The following ESRRB variants were observed in gnomAD, a reference collection of about 807,000 sequenced individuals.
The protein encoded by ESRRB is steroid hormone receptor ERR2.
ESRRB carries 16 observed loss-of-function variants against 46.0 expected under a neutral mutation model. That is an observed-to-expected ratio of 0.35 (90% CI 0.24 to 0.53). The LOEUF is 0.53. ESRRB is among the 20% of genes least tolerant of loss of function. The pLI, the probability that ESRRB is intolerant of heterozygous loss-of-function variation, is 0.93. For missense variants in ESRRB, 488 were observed against 607.4 expected, an observed-to-expected ratio of 0.80 and a Z score of 2.07; for synonymous variants, 246 against 259.6, an observed-to-expected ratio of 0.95 and a Z score of 0.50.
At chr14:76,447,521 C>T (rs1231522870) in intron 2 of ESRRB, among the ~76,000 whole-genome samples, 1 of 152,066 alleles carries the variant, frequency 6.6e-6, no homozygotes, top group Admixed American at 6.6e-5. Context: ...CCCCAAGCTC[C>T]ATTCCTTTCA....
At chr14:76,390,254 T>G (rs1346942977) in intron 1 of ESRRB, among the ~76,000 whole-genome samples, 1 of 152,180 alleles carries the variant, frequency 6.6e-6, no homozygotes, top group African/African-American at 2.4e-5. Flanking sequence ...TTTGGGAGGC[T>G]GAGGTGGGCA....
chr14:76,374,147 A>T (rs925125433), upstream of ESRRB, among the ~76,000 whole-genome samples: 6 of 152,210 alleles, frequency 3.9e-5, no homozygotes, highest in Non-Finnish European at 1.5e-5. Context: ...CCATTCATTC[A>T]GCAAAATCTT....
chr14:76,384,822 T>C (rs1885154507), intron 1 of ESRRB, among the ~76,000 whole-genome samples: 1 of 152,140 alleles, frequency 6.6e-6, no homozygotes, highest in Non-Finnish European at 1.5e-5. Flanking sequence ...GGCAAAGTCA[T>C]CTCTCCACCC....
chr14:76,468,847 T>G (rs1250480305), intron 3 of ESRRB, among the ~76,000 whole-genome samples: 1 of 152,180 alleles, frequency 6.6e-6, no homozygotes, highest in Admixed American at 6.5e-5. Context: ...AGAGGCAATT[T>G]TGAATCTCCT....
intron 2 of ESRRB, among the ~76,000 whole-genome samples, chr14:76,449,072 C>T (rs563738283): frequency 1.6e-4 from 25 of 152,044 alleles, no homozygotes; most frequent in Non-Finnish European, 3.7e-4. Flanking sequence ...AGAATGTATG[C>T]GCTGCTATCC....
intron 1 of ESRRB, among the ~76,000 whole-genome samples, chr14:76,332,774 A>ATTATATAT (rs1375625340): frequency 1.5e-4 from 2 of 13,790 alleles, no homozygotes; most frequent in Non-Finnish European, 2.3e-4. Flanking sequence ...TATAATATAT[A>ATTATATAT]TTATATATTA....
chr14:76,450,042 A>G (rs1888322205), intron 2 of ESRRB, among the ~76,000 whole-genome samples: 1 of 152,242 alleles, frequency 6.6e-6, no homozygotes, highest in East Asian at 1.9e-4. Flanking sequence ...GTAGGGGGAA[A>G]GCTGACAATA....
In ESRRB at chr14:76,491,440, C is replaced by T; in HGVS notation, c.851-7C>T. On this transcript the variant is annotated splice_polypyrimidine_tract_variant and splice_region_variant and intron_variant, in intron 5 of 6. Transcript: ENST00000644823. ...GCTGCTGCCCTCTGTGCCCCCTCTT[C>T]CTGCAGGCTTCTCAAGCCTCTCCCT... The T allele has an allele frequency of 6.2e-7, 1 of 1,607,970 alleles. No homozygotes were observed. The highest frequency in any genetic ancestry group is 8.5e-7 in the Non-Finnish European group (1 of 1,178,130).
Position 76,498,944 on chromosome 14 carries a change from G to A in ESRRB, c.*486G>A. On this transcript the variant is annotated 3_prime_UTR_variant, in exon 7 of 7. Coordinates refer to ENST00000644823, the MANE Select transcript of ESRRB (RefSeq NM_001379180.1). ...AAGGGACAACAGTATCTTTCTTCCA[G>A]AGGTCCTACCTGCTCTGAGATCCTC... The A allele has an allele frequency of 2.1e-6, 1 of 482,742 alleles. No homozygotes were observed. Among genetic ancestry groups the A allele is most frequent in the South Asian group, 1.6e-5 (1 of 62,846 alleles). 29.9% of individuals were successfully genotyped at this position (482,742 alleles called of 1,614,324 possible). A position where few individuals can be genotyped will look rare whatever the true frequency, so the allele number is the denominator to read the frequency against.
chr14:76,315,428 G>A (rs1198288025), intron 1 of ESRRB, among the ~76,000 whole-genome samples: 3 of 152,234 alleles, frequency 2.0e-5, no homozygotes, highest in South Asian at 2.1e-4. Flanking sequence ...TTAAGCATGC[G>A]CCTTCCAAGT....
intron 3 of ESRRB, among the ~76,000 whole-genome samples, chr14:76,479,712 C>T (rs1419360261): frequency 6.6e-6 from 1 of 152,138 alleles, no homozygotes; most frequent in Non-Finnish European, 1.5e-5. Context: ...GTCCTTGTGC[C>T]TCCGTTTGAT....
chr14:76,313,881 G>A (rs535246894), intron 1 of ESRRB, among the ~76,000 whole-genome samples: 82 of 152,296 alleles, frequency 5.4e-4, no homozygotes, highest in African/African-American at 1.9e-3. Context: ...CTCAGATTGT[G>A]GGTAGTTATG....
intron 1 of ESRRB, among the ~76,000 whole-genome samples, chr14:76,365,286 G>A (rs553783479): frequency 1.3e-5 from 2 of 152,332 alleles, no homozygotes; most frequent in African/African-American, 2.4e-5. Flanking sequence ...GCCAGCCTTG[G>A]CAACAAAGTG....
intron 1 of ESRRB, among the ~76,000 whole-genome samples, chr14:76,408,111 TC>T (rs1210922381): frequency 6.6e-6 from 1 of 152,132 alleles, no homozygotes; most frequent in Non-Finnish European, 1.5e-5. Context: ...TGAGAGGACT[TC>T]AGGTCTTGGC....
intron 2 of ESRRB, among the ~76,000 whole-genome samples, chr14:76,457,656 C>T (rs527991007): frequency 1.3e-5 from 2 of 152,258 alleles, no homozygotes; most frequent in African/African-American, 4.8e-5. Flanking sequence ...TGCTTTCTGT[C>T]ACTGAATCTA....
chr14:76,332,497 TTA>T (rs1370486227), intron 1 of ESRRB, among the ~76,000 whole-genome samples: 4 of 106,752 alleles, frequency 3.7e-5, no homozygotes, highest in African/African-American at 1.5e-4. Flanking sequence ...AAATATATAT[TTA>T]TATATGTATT....
At chr14:76,362,290 G>T (rs1884474040) in intron 1 of ESRRB, among the ~76,000 whole-genome samples, 1 of 152,192 alleles carries the variant, frequency 6.6e-6, no homozygotes, top group South Asian at 2.1e-4. Flanking sequence ...GGGTCACATT[G>T]CTAATGAAGG....
chr14:76,379,059 T>C (rs190315987), intron 1 of ESRRB, among the ~76,000 whole-genome samples: 1 of 152,204 alleles, frequency 6.6e-6, no homozygotes. Flanking sequence ...TTCTAACACA[T>C]AGAGAGCATT....
At chr14:76,485,243 T>C (rs1889961923) in intron 5 of ESRRB, among the ~76,000 whole-genome samples, 1 of 144,764 alleles carries the variant, frequency 6.9e-6, no homozygotes, top group South Asian at 2.3e-4. Flanking sequence ...ATTTTTTTTT[T>C]TTTTTTTTTT....
Sources: gnomAD v4.1 joint callset for allele counts (sites outside exome capture counted in the v4.1 genomes callset) on GRCh38, gnomAD v4.1.1 for gene constraint, MANE v1.5 for transcripts, NCBI Gene and HGNC (gene_info 2026-07-23, HGNC 2026-07-21) for gene names.